Variants in CTNNA2 observed in about 807,000 individuals in gnomAD.
CTNNA2 encodes the protein catenin alpha-2.
Under a neutral mutation model 101.0 loss-of-function variants are expected in CTNNA2, and 42 were observed. The ratio of observed to expected loss-of-function variants is 0.42; its 90% confidence interval spans 0.32 to 0.54. CTNNA2 has a LOEUF of 0.54. Ranked by LOEUF, CTNNA2 falls within the 20% of genes least tolerant of loss-of-function variation. CTNNA2 has a pLI of 0.14. For synonymous variants in CTNNA2, 450 were observed against 456.4 expected, an observed-to-expected ratio of 0.99 and a Z score of 0.18; for missense variants, 871 against 1,223.1, an observed-to-expected ratio of 0.71 and a Z score of 4.29.
intron 7 of CTNNA2, among the ~76,000 whole-genome samples, chr2:80,001,893 G>A (rs1332946065): frequency 3.3e-5 from 5 of 152,166 alleles, no homozygotes; most frequent in Admixed American, 6.5e-5. Flanking sequence ...ATAGCACTGC[G>A]TTTTAGAATA....
intron 9 of CTNNA2, among the ~76,000 whole-genome samples, chr2:80,481,984 T>A (rs1288050089): frequency 1.3e-5 from 2 of 152,150 alleles, no homozygotes; most frequent in Admixed American, 1.3e-4. Flanking sequence ...GGGAGATTAC[T>A]TCCAGTAAAT....
At chr2:80,025,800 C>T (rs1021322759) in intron 7 of CTNNA2, among the ~76,000 whole-genome samples, 1 of 152,194 alleles carries the variant, frequency 6.6e-6, no homozygotes, top group Non-Finnish European at 1.5e-5. Flanking sequence ...CAAAGCAGCA[C>T]GTACTTGTCC....
chr2:79,461,218 GT>G (rs2104535711), intron 4 of CTNNA2, among the ~76,000 whole-genome samples: 1 of 151,192 alleles, frequency 6.6e-6, no homozygotes, highest in East Asian at 1.9e-4. Context: ...TATCTTCAGA[GT>G]TACTTTGTGA....
In CTNNA2 at chr2:80,267,647, A is replaced by G. The variant is rs373236056; in HGVS notation, c.1057-125564A>G. On this transcript the variant is annotated intron_variant, in intron 7 of 18. Transcript: ENST00000402739. ...GATTCGCTCTAAATGAGAACATAAA[A>G]AAAGGGTTCCTGGGCTGGTCTGGGG... Among the ~76,000 whole-genome samples the G allele has an allele frequency of 1.4e-4, 22 of 152,332 alleles. No individual in the cohort carries two copies. In the South Asian group the frequency reaches 3.7e-3, roughly 26 times the overall value.
intron 7 of CTNNA2, among the ~76,000 whole-genome samples, chr2:80,191,161 C>T (rs1296911402): frequency 6.6e-6 from 1 of 152,130 alleles, no homozygotes; most frequent in Non-Finnish European, 1.5e-5. Flanking sequence ...TTTGTGCTTT[C>T]CTTGTCTGAG....
chr2:80,149,636 C>A (rs1573228385), intron 7 of CTNNA2, among the ~76,000 whole-genome samples: 1 of 152,234 alleles, frequency 6.6e-6, no homozygotes, highest in African/African-American at 2.4e-5. Flanking sequence ...TAACTGTAGG[C>A]CTAGCAGCAT....
At chr2:80,409,584 G>C (rs1289770372) in intron 8 of CTNNA2, among the ~76,000 whole-genome samples, 1 of 152,138 alleles carries the variant, frequency 6.6e-6, no homozygotes, top group Admixed American at 6.5e-5. Flanking sequence ...CATCTACCAA[G>C]AGCTACTTAA....
At chr2:80,024,561 G>A (rs1694814399) in intron 7 of CTNNA2, among the ~76,000 whole-genome samples, 1 of 152,224 alleles carries the variant, frequency 6.6e-6, no homozygotes, top group Non-Finnish European at 1.5e-5. Context: ...CTCATGGGAG[G>A]GGAAGCACGC....
intron 9 of CTNNA2, among the ~76,000 whole-genome samples, chr2:80,511,333 C>G (rs1475629985): frequency 6.6e-6 from 1 of 152,154 alleles, no homozygotes; most frequent in Non-Finnish European, 1.5e-5. Context: ...CGGTTTGAAG[C>G]CTTTATCCAA....
intron 7 of CTNNA2, among the ~76,000 whole-genome samples, chr2:80,227,644 C>T (rs779896948): frequency 4.6e-5 from 7 of 152,158 alleles, no homozygotes; most frequent in Non-Finnish European, 7.3e-5. Flanking sequence ...GGCCTAGGTC[C>T]TCATGATGTG....
intron 2 of CTNNA2, among the ~76,000 whole-genome samples, chr2:79,273,097 C>T (rs73938162): frequency 1.5e-3 from 231 of 152,044 alleles, no homozygotes; most frequent in African/African-American, 5.3e-3. Flanking sequence ...GTTGGCTTCT[C>T]AGCACAAAGT....
At chr2:80,259,641 C>T (rs1241626112) in intron 7 of CTNNA2, among the ~76,000 whole-genome samples, 1 of 152,196 alleles carries the variant, frequency 6.6e-6, no homozygotes, top group African/African-American at 2.4e-5. Context: ...GTTCCTGGGA[C>T]ATAAAGCAAC....
At chr2:79,517,856 C>A (rs913486662) in intron 1 of CTNNA2, among the ~76,000 whole-genome samples, 2 of 152,136 alleles carry the variant, frequency 1.3e-5, no homozygotes, top group Non-Finnish European at 2.9e-5. Context: ...TAGGCCTTAT[C>A]TGCGTACACA....
intron 11 of CTNNA2, among the ~76,000 whole-genome samples, chr2:80,554,025 A>G (rs946677333): frequency 6.6e-6 from 1 of 152,202 alleles, no homozygotes; most frequent in Non-Finnish European, 1.5e-5. Context: ...TTGAAATTAA[A>G]GAAATGGAGA....
At chr2:79,716,271 A>C (rs1686097473) in intron 2 of CTNNA2, among the ~76,000 whole-genome samples, 1 of 152,058 alleles carries the variant, frequency 6.6e-6, no homozygotes, top group Non-Finnish European at 1.5e-5. Flanking sequence ...TTTATTATTT[A>C]TTTATTTTCC....
chr2:79,242,969 AATATATATATATATAT>A (rs137898899), intron 2 of CTNNA2, among the ~76,000 whole-genome samples: 1 of 127,358 alleles, frequency 7.9e-6, no homozygotes, highest in East Asian at 2.4e-4. Flanking sequence ...CCTGTCTCGA[AATATATATATATATAT>A]ATATATATAC....
At chr2:80,141,180 G>C (rs948352386) in intron 7 of CTNNA2, among the ~76,000 whole-genome samples, 1 of 152,088 alleles carries the variant, frequency 6.6e-6, no homozygotes, top group Non-Finnish European at 1.5e-5. Flanking sequence ...TGAGAAGGGT[G>C]ATGAGTCACT....
At chr2:80,321,570 T>A (rs1476867717) in intron 7 of CTNNA2, among the ~76,000 whole-genome samples, 1 of 152,236 alleles carries the variant, frequency 6.6e-6, no homozygotes, top group Non-Finnish European at 1.5e-5. Context: ...ATAAAATGTA[T>A]GCAAATGAAC....
chr2:80,215,318 A>G (rs543155190), intron 7 of CTNNA2, among the ~76,000 whole-genome samples: 1 of 152,284 alleles, frequency 6.6e-6, no homozygotes, highest in East Asian at 1.9e-4. Flanking sequence ...GAGGAGCTGC[A>G]TTCCTTTGGA....
Sources: allele counts gnomAD v4.1 joint callset (sites outside exome capture counted in the v4.1 genomes callset), GRCh38; gene constraint gnomAD v4.1.1; transcripts MANE v1.5; gene names NCBI Gene and HGNC (gene_info 2026-07-23, HGNC 2026-07-21).